Variants in SH2B1 observed in about 807,000 individuals in gnomAD.
SH2B1 encodes SH2B adapter protein 1.
SH2B1 carries 15 observed loss-of-function variants against 62.6 expected under a neutral mutation model. That is an observed-to-expected ratio of 0.24 (90% CI 0.16 to 0.37). The LOEUF (loss-of-function observed/expected upper bound fraction) is 0.37. SH2B1 is among the 10% of genes least tolerant of loss of function. The probability of loss-of-function intolerance (pLI) is 1.00; values close to 1 mark genes in which losing one functional copy is unlikely to be tolerated. For synonymous variants in SH2B1, 443 were observed against 438.0 expected (o/e 1.01, Z -0.14); for missense variants, 925 against 1,015.6 (o/e 0.91, Z 1.21).
Position 28,869,284 on chromosome 16 carries a change from A to C in SH2B1, c.1210A>C (p.Thr404Pro). ...PGTSFLTREN[T>P]DSLELSCLNH... ...GACCTCATTCCTTACAAGGGAGAAC[A>C]CAGACAGCCTGGAGCTGTCCTGCCT... The change falls in exon 4 of 8, where the codon ACA becomes CCA. Residue 404 changes from threonine (T) to proline (P), a missense_variant. Thr to Pro is a conservative substitution (Grantham distance 38). This residue lies in a region of SH2B1 where 683 missense variants were observed against 704.0 expected (regional missense o/e 0.97). Transcript: ENST00000684370. 1.9e-6 allele frequency: 3 copies of C among 1,614,058 alleles called. No individual in the cohort carries two copies. The highest frequency in any genetic ancestry group is 2.5e-6 in the Non-Finnish European group (3 of 1,179,996).
At chr16:28,853,167 TATA>T (rs1356373882) in intron 1 of SH2B1, among the ~76,000 whole-genome samples, 1 of 136,278 alleles carries the variant, frequency 7.3e-6, no homozygotes, top group African/African-American at 2.7e-5. Flanking sequence ...TATATATAAA[TATA>T]TATATATTTT....
intron 4 of SH2B1, 69 bp downstream of exon 4, chr16:28,869,452 C>A: frequency 7.0e-7 from 1 of 1,433,202 alleles, no homozygotes; most frequent in Non-Finnish European, 9.5e-7. Context: ...TGTCAGGCGC[C>A]ATGCCCTCTC....
chr16:28,861,393 T>G (rs1385581606), upstream of SH2B1, among the ~76,000 whole-genome samples: 3 of 149,982 alleles, frequency 2.0e-5, no homozygotes, highest in Non-Finnish European at 4.4e-5. Context: ...AGCCTCCCAG[T>G]GTTGGGATTA....
chr16:28,848,450 T>A (rs1004450100), intron 1 of SH2B1, among the ~76,000 whole-genome samples: 17 of 151,210 alleles, frequency 1.1e-4, no homozygotes, highest in Admixed American at 2.6e-4. Flanking sequence ...AAAAAAAAAA[T>A]TTTTTTTCAA....
At chr16:28,858,350 T>C (rs1489092574) in intron 1 of SH2B1, among the ~76,000 whole-genome samples, 1 of 152,056 alleles carries the variant, frequency 6.6e-6, no homozygotes, top group African/African-American at 2.4e-5. Context: ...CTGTCTCTAC[T>C]AAAAATACAA....
In SH2B1 at chr16:28,852,540, TTA is replaced by T. The variant is rs1170595096; in HGVS notation, c.-301+5722_-301+5723del. 7.1e-4 allele frequency among the ~76,000 whole-genome samples: 25 copies of T among 35,060 alleles called. 10 individuals are homozygous for T. Among genetic ancestry groups the T allele is most frequent in the African/African-American group, 8.9e-4 (4 of 4,500 alleles). 23.0% of individuals were successfully genotyped at this position (35,060 alleles called of 152,430 possible). ...TATATTTATATATATACACATATAT[TTA>T]TATATATACACATATTTATATATAT... is the stretch of plus-strand genomic sequence containing the variant. On this transcript the variant is annotated intron_variant, in intron 1 of 10. Coordinates refer to the SH2B1 transcript ENST00000322610.
chr16:28,855,806 A>ATTTTTTTT (rs746171586), intron 1 of SH2B1, among the ~76,000 whole-genome samples: 315 of 102,314 alleles, frequency 3.1e-3, no homozygotes, highest in East Asian at 4.4e-3. Context: ...CGCCCGGCTA[A>ATTTTTTTT]TTTTTTTTTT....
At chr16:28,847,702 C>T (rs975432569) in intron 1 of SH2B1, among the ~76,000 whole-genome samples, 1 of 151,818 alleles carries the variant, frequency 6.6e-6, no homozygotes, top group Non-Finnish European at 1.5e-5. Context: ...AGCTATAGCC[C>T]CTCCTACTCA....
chr16:28,872,523 C>G lies in SH2B1; in HGVS notation c.1726-11C>G, dbSNP rs777155133. On this transcript the variant is annotated splice_polypyrimidine_tract_variant and intron_variant, in intron 6 of 7. Transcript: ENST00000684370. The surrounding 1 kb of genome is among the most constrained non-coding windows in gnomAD (Gnocchi z 5.3). ...TTGCCTCCTACCTCACCTCCCCCATCCCGCCCTCAGCACCTGCGTTTGTCG... is the reference window on the plus strand; with the variant it reads ...TTGCCTCCTACCTCACCTCCCCCATGCCGCCCTCAGCACCTGCGTTTGTCG... 6.2e-7 allele frequency: 1 copy of G among 1,606,340 alleles called. No homozygotes were observed. The highest frequency in any genetic ancestry group is 2.2e-5 in the East Asian group (1 of 44,738).
rs180894800 is a variant in SH2B1 at position 28,850,957 on chromosome 16, G to A, written c.-301+4130G>A. The stretch of plus-strand genomic sequence containing the variant: ...TGGGAGGCCAAGGCAGGTGGGTCAC[G>A]AGGTCAAGAGATTGAGACCATCCTG... On this transcript the variant is annotated intron_variant, in intron 1 of 10. Transcript: ENST00000322610. Among the ~76,000 whole-genome samples, 906 of 151,186 alleles carry A rather than the reference G, an allele frequency of 6.0e-3. 9 individuals carry two copies. The highest frequency in any genetic ancestry group is 0.021 in the African/African-American group (857 of 41,208).
upstream of SH2B1, among the ~76,000 whole-genome samples, chr16:28,860,826 T>A (rs191383898): frequency 3.6e-5 from 5 of 138,132 alleles, no homozygotes; most frequent in African/African-American, 2.7e-5. Context: ...GTTTTTTTTT[T>A]AATTTCTTGA....
chr16:28,858,143 C>T (rs1181204198), intron 1 of SH2B1, among the ~76,000 whole-genome samples: 1 of 152,192 alleles, frequency 6.6e-6, no homozygotes, highest in Non-Finnish European at 1.5e-5. Context: ...CCTCTAATCA[C>T]AAGGTTGGTC....
intron 1 of SH2B1, among the ~76,000 whole-genome samples, chr16:28,856,385 A>G (rs1013718725): frequency 6.6e-6 from 1 of 152,066 alleles, no homozygotes; most frequent in African/African-American, 2.4e-5. Flanking sequence ...CATTGGGCTT[A>G]GTAAGTTTCC....
chr16:28,866,471 C>T lies in SH2B1; in HGVS notation c.377C>T (p.Ser126Phe), dbSNP rs767023638. 1.2e-6 allele frequency: 2 copies of T among 1,613,992 alleles called. No individual in the cohort carries two copies. The highest frequency in any genetic ancestry group is 2.2e-5 in the South Asian group (2 of 91,080). The change falls in exon 1 of 8, where the codon TCT (serine) becomes TTT (phenylalanine). Residue 126 changes from serine to phenylalanine, a missense_variant. Ser to Phe is a radical substitution (Grantham distance 155, BLOSUM62 -2). This residue lies in a region of SH2B1 where 683 missense variants were observed against 704.0 expected (regional missense o/e 0.97). Transcript: ENST00000684370. This position sits in a 1 kb window ranked among gnomAD's most constrained non-coding sequence, Gnocchi z 6.3. Reference sequence around the variant, plus strand: ...GCTGTGCTGGGCCCTTCTCGATCATCTGAGGACCTGGCCGGCCCCCTCCCT... The same window carrying T: ...GCTGTGCTGGGCCCTTCTCGATCATTTGAGGACCTGGCCGGCCCCCTCCCT... ...PLAVLGPSRS[S>F]EDLAGPLPSS...
upstream of SH2B1, among the ~76,000 whole-genome samples, chr16:28,860,182 C>T (rs1333559180): frequency 6.6e-6 from 1 of 152,020 alleles, no homozygotes; most frequent in Non-Finnish European, 1.5e-5. Context: ...CCTGCCTTAT[C>T]TCTGTCCTCC....
intron 1 of SH2B1, among the ~76,000 whole-genome samples, chr16:28,858,009 G>A (rs1962361564): frequency 6.6e-6 from 1 of 151,956 alleles, no homozygotes; most frequent in South Asian, 2.1e-4. Context: ...AAAGTGCTGG[G>A]ATTACAGGCG....
chr16:28,864,031 G>A lies in SH2B1; in HGVS notation c.-2064G>A. 5 of 1,395,792 alleles carry A rather than the reference G, an allele frequency of 3.6e-6. No individual in the cohort carries two copies. Among genetic ancestry groups the A allele is most frequent in the Non-Finnish European group, 4.6e-6 (5 of 1,075,402 alleles). The allele number at this position is 1,395,792 out of a possible 1,614,324, so 86.5% of individuals were successfully genotyped here. A position where few individuals can be genotyped will look rare whatever the true frequency, so the allele number is the denominator to read the frequency against. On this transcript the variant is annotated 5_prime_UTR_variant, in exon 1 of 8. Transcript: ENST00000684370. ...TGGCGCCCGAGAGGATTCCTGGGTG[G>A]GGGTGGGCGTGGAGGGCCGGGGGCT...
In SH2B1 at chr16:28,853,026, A is replaced by G. The variant is rs1368537959; in HGVS notation, c.-301+6199A>G. ...TGTACATATATATTTATATATGTAC[A>G]TATATATGTACATATATATTTATAT... On this transcript the variant is annotated intron_variant, in intron 1 of 10. Coordinates refer to the SH2B1 transcript ENST00000322610. 4.1e-4 allele frequency among the ~76,000 whole-genome samples: 30 copies of G among 72,704 alleles called. 2 individuals are homozygous for G. The East Asian group carries it at 0.01, about 25-fold the overall frequency. 47.7% of individuals were successfully genotyped at this position (72,704 alleles called of 152,430 possible).
In SH2B1 at chr16:28,854,755, CAAAAT is replaced by C. The variant is rs1289243169; in HGVS notation, c.-300-6860_-300-6856del. Among the ~76,000 whole-genome samples, 3 of 151,972 alleles carry C rather than the reference CAAAAT, an allele frequency of 2.0e-5. No homozygotes were observed. In the East Asian group the frequency reaches 5.8e-4, roughly 30 times the overall value. On this transcript the variant is annotated intron_variant, in intron 1 of 10. Coordinates refer to the SH2B1 transcript ENST00000322610. ...TGGGTAACAGAACGAGACCCTGTCT[CAAAAT>C]AATAACGACAATAATAATAAAATTC...
Sources: allele counts gnomAD v4.1 joint callset (sites outside exome capture counted in the v4.1 genomes callset), GRCh38; gene constraint gnomAD v4.1.1; regional missense constraint gnomAD v4.1.1; non-coding constraint Gnocchi (gnomAD v3.1); transcripts MANE v1.5; gene names NCBI Gene and HGNC (gene_info 2026-07-23, HGNC 2026-07-21).